GCNT1: variants seen among roughly 807,000 people sequenced by gnomAD.
The protein encoded by GCNT1 is beta-1,3-galactosyl-O-glycosyl-glycoprotein beta-1,6-N-acetylglucosaminyltransferase.
Under a neutral mutation model 26.2 loss-of-function variants are expected in GCNT1, and 16 were observed. The observed-to-expected ratio is 0.61, with a 90% CI of 0.41 to 0.93. The LOEUF (loss-of-function observed/expected upper bound fraction) is 0.93, where lower values mean the gene tolerates loss of function less well. Ranked by LOEUF, GCNT1 falls within the 40% of genes least tolerant of loss-of-function variation. The probability of loss-of-function intolerance (pLI) is 0.00; values close to 1 mark genes in which losing one functional copy is unlikely to be tolerated. For missense variants in GCNT1, 477 were observed against 526.7 expected (o/e 0.91, Z 0.92); for synonymous variants, 183 against 190.8 (o/e 0.96, Z 0.34).
At chr9:76,449,553 C>T (rs1325442888) in intron 1 of GCNT1, among the ~76,000 whole-genome samples, 2 of 152,128 alleles carry the variant, frequency 1.3e-5, no homozygotes, top group African/African-American at 4.8e-5. Flanking sequence ...GCATAACACA[C>T]CTCACTAAAC....
At position 76,474,433 on chromosome 9, in the gene GCNT1, A is replaced by G. The variant is rs543101949; in HGVS notation, c.-290+14256A>G. Among the ~76,000 whole-genome samples the G allele has an allele frequency of 3.7e-4, 56 of 152,336 alleles. 1 individual carries two copies. The South Asian group carries it at 7.5e-3, about 20-fold the overall frequency. Reference sequence around the variant, plus strand: ...GCAAAAACAAAGCTATGAATATACAAAGCTATTCATAGTTCATATTTATAA... The same window carrying G: ...GCAAAAACAAAGCTATGAATATACAGAGCTATTCATAGTTCATATTTATAA... On this transcript the variant is annotated intron_variant, in intron 2 of 3. Transcript: ENST00000376730.
chr9:76,484,380 A>G (rs935805783), intron 2 of GCNT1, among the ~76,000 whole-genome samples: 1 of 152,150 alleles, frequency 6.6e-6, no homozygotes, highest in Admixed American at 6.5e-5. Flanking sequence ...AAAAAAAAAA[A>G]AAAGAGAGAG....
intron 2 of GCNT1, among the ~76,000 whole-genome samples, chr9:76,482,481 G>A (rs904729900): frequency 6.6e-6 from 1 of 151,268 alleles, no homozygotes; most frequent in African/African-American, 2.4e-5. Context: ...AAAATTAGCC[G>A]GGCGTGGTGG....
At chr9:76,427,669 A>T (rs986433710) in intron 1 of GCNT1, among the ~76,000 whole-genome samples, 1 of 152,226 alleles carries the variant, frequency 6.6e-6, no homozygotes, top group Non-Finnish European at 1.5e-5. Context: ...GTGAAAAATT[A>T]AAAATTTCCT....
At chr9:76,460,345 T>G (rs1823844681) in intron 2 of GCNT1, among the ~76,000 whole-genome samples, 168 bp downstream of exon 2, 1 of 152,200 alleles carries the variant, frequency 6.6e-6, no homozygotes, top group Admixed American at 6.5e-5. Flanking sequence ...CGTGGTGCCT[T>G]GAGATGAGAA....
chr9:76,444,474 A>G (rs1823542917), intron 1 of GCNT1, among the ~76,000 whole-genome samples: 1 of 152,332 alleles, frequency 6.6e-6, no homozygotes, highest in Non-Finnish European at 1.5e-5. Flanking sequence ...ATGAGGATTA[A>G]GAGTCCAGGT....
At chr9:76,454,842 CTTTTTTTTTTT>C (rs1183951605), upstream of GCNT1, among the ~76,000 whole-genome samples, 3 of 105,658 alleles carry the variant, frequency 2.8e-5, no homozygotes, top group Admixed American at 1.1e-4. Flanking sequence ...CTTTTCTTTT[CTTTTTTTTTTT>C]TTTTTTTTTT....
the GCNT1 span, chr9:76,399,189 A>G: frequency 2.7e-6 from 4 of 1,461,876 alleles, no homozygotes; most frequent in Non-Finnish European, 3.8e-6. Flanking sequence ...ATCCCATGCA[A>G]CAACAAGGGA....
chr9:76,402,265 T>C, the GCNT1 span, among the ~76,000 whole-genome samples: 1 of 152,230 alleles, frequency 6.6e-6, no homozygotes, highest in Non-Finnish European at 1.5e-5. Context: ...GGTTAACACA[T>C]CCAGTTTTCC....
chr9:76,481,031 G>A (rs1024873509), intron 2 of GCNT1, among the ~76,000 whole-genome samples: 2 of 152,080 alleles, frequency 1.3e-5, no homozygotes, highest in Admixed American at 1.3e-4. Flanking sequence ...TTGAGGCCAG[G>A]AGTTCGAAAC....
the GCNT1 span, among the ~76,000 whole-genome samples, chr9:76,406,760 G>A: frequency 6.6e-6 from 1 of 151,904 alleles, no homozygotes; most frequent in Non-Finnish European, 1.5e-5. Context: ...AAGAGTTCTG[G>A]CCAGGCACAG....
chr9:76,463,528 G>GC (rs1823923388), intron 2 of GCNT1, among the ~76,000 whole-genome samples: 1 of 152,206 alleles, frequency 6.6e-6, no homozygotes, highest in African/African-American at 2.4e-5. Context: ...GGTCATCAAT[G>GC]CAATAATGTT....
chr9:76,443,957 GGA>G (rs1823527724), intron 1 of GCNT1, among the ~76,000 whole-genome samples: 1 of 79,526 alleles, frequency 1.3e-5, no homozygotes, highest in African/African-American at 4.4e-5. Flanking sequence ...AAGGAAGGAA[GGA>G]AGGAAGGAAG....
chr9:76,481,370 A>G (rs1251953621), intron 2 of GCNT1, among the ~76,000 whole-genome samples: 1 of 151,334 alleles, frequency 6.6e-6, no homozygotes, highest in Non-Finnish European at 1.5e-5. Flanking sequence ...ATTCTGCCTG[A>G]TATACATTTG....
chr9:76,427,016 C>G (rs528371409), intron 1 of GCNT1, among the ~76,000 whole-genome samples: 1 of 152,292 alleles, frequency 6.6e-6, no homozygotes, highest in East Asian at 1.9e-4. Flanking sequence ...TCAGAATTGA[C>G]TGTGTTAGTT....
intron 2 of GCNT1, among the ~76,000 whole-genome samples, chr9:76,494,434 G>T (rs2131634813): frequency 6.6e-6 from 1 of 152,292 alleles, no homozygotes; most frequent in African/African-American, 2.4e-5. Context: ...GGATCTCCAG[G>T]GTTGGAAGAG....
At chr9:76,423,693 T>TC (rs1488454082) in intron 1 of GCNT1, among the ~76,000 whole-genome samples, 2 of 152,236 alleles carry the variant, frequency 1.3e-5, no homozygotes, top group African/African-American at 4.8e-5. Context: ...ACGCTTTTTT[T>TC]CTCAAGCTTC....
chr9:76,424,076 G>C (rs1356217957), intron 1 of GCNT1, among the ~76,000 whole-genome samples: 1 of 152,344 alleles, frequency 6.6e-6, no homozygotes, highest in African/African-American at 2.4e-5. Context: ...TTTCTGAACT[G>C]TGATGTTGCT....
chr9:76,396,773 A>C, the GCNT1 span, among the ~76,000 whole-genome samples: 4 of 152,198 alleles, frequency 2.6e-5, no homozygotes, highest in African/African-American at 9.7e-5. Context: ...ACCTGGCGGC[A>C]GTTGCAGTGA....
Sources: allele counts gnomAD v4.1 joint callset (sites outside exome capture counted in the v4.1 genomes callset), GRCh38; gene constraint gnomAD v4.1.1; transcripts MANE v1.5; gene names NCBI Gene and HGNC (gene_info 2026-07-23, HGNC 2026-07-21).